The following COPRS variants were observed in gnomAD, a reference collection of about 807,000 sequenced individuals.
The protein encoded by COPRS is coordinator of PRMT5 and differentiation stimulator.
In COPRS, 11 loss-of-function variants were observed where a neutral mutation model predicts 19.9. The observed-to-expected ratio is 0.55, with a 90% CI of 0.35 to 0.92. COPRS has a LOEUF of 0.92. Among genes scored for constraint, COPRS ranks in the 40% least tolerant of loss-of-function variants. COPRS has a pLI of 0.01. For synonymous variants in COPRS, 81 were observed against 82.7 expected (o/e 0.98, Z 0.11); for missense variants, 225 against 229.9 (o/e 0.98, Z 0.14).
chr17:31,858,210 C>T (rs1909421003), intron 1 of COPRS, among the ~76,000 whole-genome samples: 1 of 152,222 alleles, frequency 6.6e-6, no homozygotes, highest in Admixed American at 6.5e-5. Context: ...GACCCAACTC[C>T]AGGCCATGTG....
At chr17:31,854,350 G>A (rs1438205365) in intron 2 of COPRS, among the ~76,000 whole-genome samples, 2 of 84,440 alleles carry the variant, frequency 2.4e-5, no homozygotes, top group Admixed American at 2.1e-4. Flanking sequence ...GTGAGACCCT[G>A]TCTCCAAAAA....
intron 2 of COPRS, among the ~76,000 whole-genome samples, chr17:31,856,206 G>A (rs550620942): frequency 6.6e-4 from 100 of 151,426 alleles, no homozygotes; most frequent in African/African-American, 1.7e-3. Flanking sequence ...GTGGTGGCGC[G>A]TGCCTGTAGT....
rs903326347 is a variant in COPRS at position 31,859,013 on chromosome 17, GC to G, written c.99+87del. 914 of 1,212,984 alleles carry G rather than the reference GC, an allele frequency of 7.5e-4. 7 individuals carry two copies. The highest frequency in any genetic ancestry group is 7.3e-3 in the Middle Eastern group (22 of 3,002). 75.1% of individuals were successfully genotyped at this position (1,212,984 alleles called of 1,614,324 possible). On this transcript the variant is annotated intron_variant, in intron 1 of 3. Coordinates refer to ENST00000302362, the MANE Select transcript of COPRS (RefSeq NM_018405.4). ...GAGGCCGGCCAGAGGCGCTTCCCCG[GC>G]CCCGCGGCCCCCGCCCAGCCCGGCC...
rs757362740 is a variant in COPRS, at chr17:31,852,984, C to T, written c.213G>A (p.Glu71=). ...SIPNDSPARG[E]GTHSEEEGFA... ...AGCCTTCCTCTTCAGAATGGGTGCC[C>T]TCACCCCGGGCAGGACTGTCATTAG... Residue 71 remains glutamate (E), a synonymous_variant, in exon 3 of 4, where the codon GAG becomes GAA. Coordinates refer to ENST00000302362, the MANE Select transcript of COPRS (RefSeq NM_018405.4). 5 of 1,614,062 alleles carry T rather than the reference C, an allele frequency of 3.1e-6. No homozygotes were observed. In the East Asian group the frequency reaches 8.9e-5, roughly 29 times the overall value.
chr17:31,856,987 C>G (rs1008047054), intron 1 of COPRS, 122 bp from the exon 2 acceptor site: 2 of 698,030 alleles, frequency 2.9e-6, no homozygotes, highest in Non-Finnish European at 5.1e-6. Flanking sequence ...GGCTGGGACT[C>G]TGCCACCCAC....
Position 31,859,182 on chromosome 17 carries a change from G to C in COPRS, c.18C>G (p.Ala6=). The change falls in exon 1 of 4, where the codon GCC becomes GCG. Residue 6 remains alanine (A), a synonymous_variant. Coordinates refer to ENST00000302362, the MANE Select transcript of COPRS (RefSeq NM_018405.4). The part of the protein sequence containing the change: MDLQA[A]GAQAQGAAEP... The stretch of plus-strand genomic sequence containing the variant: ...CCGCGGCCCCCTGCGCCTGGGCCCC[G>C]GCGGCCTGAAGGTCCATGCCCTGCG... 9.4e-7 allele frequency: 1 copy of C among 1,060,688 alleles called. No individual in the cohort carries two copies. The highest frequency in any genetic ancestry group is 4.4e-5 in the South Asian group (1 of 22,804). 65.7% of individuals were successfully genotyped at this position (1,060,688 alleles called of 1,614,324 possible). A position where few individuals can be genotyped will look rare whatever the true frequency, so the allele number is the denominator to read the frequency against.
chr17:31,858,389 T>C lies in COPRS; in HGVS notation c.99+712A>G, dbSNP rs182191401. On this transcript the variant is annotated intron_variant, in intron 1 of 3. Coordinates refer to ENST00000302362, the MANE Select transcript of COPRS (RefSeq NM_018405.4). ...TATCTTACTTTGGCTAAGTACCATC[T>C]TTGAGGCATCATTCATCCAGTCGGT... is the stretch of plus-strand genomic sequence containing the variant. The C allele has an allele frequency of 5.1e-6, 5 of 985,458 alleles. No homozygotes were observed. In the East Asian group the frequency reaches 4.5e-4, roughly 89 times the overall value. The allele number at this position is 985,458 out of a possible 1,614,324, so 61.0% of individuals were successfully genotyped here.
rs779693437 is a variant in COPRS at position 31,852,860 on chromosome 17, T to TA, written c.336dup (p.Asn113Ter). ...TTCAACTCCGAGTCCCAGTCCTCAT[T>TA]AAAAAGATCGCCAGGCTGTTCCTTG... On this transcript the variant is annotated frameshift_variant, in exon 3 of 4. Coordinates refer to ENST00000302362, the MANE Select transcript of COPRS (RefSeq NM_018405.4). LOFTEE classifies it high-confidence loss of function. 1 of 1,614,166 alleles carries TA rather than the reference T, an allele frequency of 6.2e-7. No homozygotes were observed. Among genetic ancestry groups the TA allele is most frequent in the South Asian group, 1.1e-5 (1 of 91,082 alleles).
intron 1 of COPRS, 107 bp downstream of exon 1, chr17:31,858,994 G>T: frequency 2.4e-6 from 3 of 1,256,474 alleles, no homozygotes; most frequent in East Asian, 3.5e-5. Context: ...GCCCGAGGCC[G>T]GCCAGAGGCG....
Position 31,859,193 on chromosome 17 carries a change from G to A in COPRS, c.7C>T (p.Leu3Phe), listed in dbSNP as rs921254029. Reference protein sequence around the residue: MDLQAAGAQAQGA... With the variant: MDFQAAGAQAQGA... Reference sequence around the variant, plus strand: ...TGCGCCTGGGCCCCGGCGGCCTGAAGGTCCATGCCCTGCGGCCCGCGGCTG... The same window carrying A: ...TGCGCCTGGGCCCCGGCGGCCTGAAAGTCCATGCCCTGCGGCCCGCGGCTG... The change falls in exon 1 of 4, where the codon CTT (leucine) becomes TTT (phenylalanine). Residue 3 changes from leucine to phenylalanine, a missense_variant. By Grantham distance (22) the Leu-to-Phe change is conservative. This residue lies in a region of COPRS where 51 missense variants were observed against 39.2 expected (regional missense o/e 1.30). Coordinates refer to ENST00000302362, the MANE Select transcript of COPRS (RefSeq NM_018405.4). The A allele has an allele frequency of 5.5e-5, 58 of 1,055,216 alleles. No homozygotes were observed. Among genetic ancestry groups the A allele is most frequent in the Admixed American group, 2.7e-4 (5 of 18,442 alleles). 65.4% of individuals were successfully genotyped at this position (1,055,216 alleles called of 1,614,324 possible). A position where few individuals can be genotyped will look rare whatever the true frequency, so the allele number is the denominator to read the frequency against.
rs1164574796 is a variant in COPRS at position 31,859,237 on chromosome 17, G to C, written c.-38C>G. On this transcript the variant is annotated 5_prime_UTR_variant, in exon 1 of 4. Coordinates refer to ENST00000302362, the MANE Select transcript of COPRS (RefSeq NM_018405.4). ...GCGGCTGGTCGCCCTGGACGCCGTG[G>C]GCCACGTGACGCGCCGGCCCGGCTG... The C allele has an allele frequency of 3.2e-6, 3 of 947,252 alleles. No individual in the cohort carries two copies. In the African/African-American group the frequency reaches 5.3e-5, roughly 17 times the overall value. 58.7% of individuals were successfully genotyped at this position (947,252 alleles called of 1,614,324 possible). A position where few individuals can be genotyped will look rare whatever the true frequency, so the allele number is the denominator to read the frequency against.
At chr17:31,855,039 T>G (rs967398750) in intron 2 of COPRS, among the ~76,000 whole-genome samples, 1 of 152,144 alleles carries the variant, frequency 6.6e-6, no homozygotes, top group Middle Eastern at 3.2e-3. Flanking sequence ...GTGCCTCAAC[T>G]TCCACATCTG....
intron 2 of COPRS, among the ~76,000 whole-genome samples, chr17:31,853,570 C>T (rs567690940): frequency 9.2e-5 from 14 of 152,160 alleles, no homozygotes; most frequent in African/African-American, 3.1e-4. Context: ...TTAGTAGAGA[C>T]GGGGTTTCAC....
rs34371712 is a variant in COPRS at position 31,854,355 on chromosome 17, C to CAA, written c.167-1327_167-1326dup. On this transcript the variant is annotated intron_variant, in intron 2 of 3. Transcript: ENST00000302362. Reference sequence around the variant, plus strand: ...ATTGCACAGAGTGAGACCCTGTCTCCAAAAAAAAAAAAAAAAAAAAAAAAA... The same window carrying CAA: ...ATTGCACAGAGTGAGACCCTGTCTCCAAAAAAAAAAAAAAAAAAAAAAAAAAA... Among the ~76,000 whole-genome samples, 123 of 46,440 alleles carry CAA rather than the reference C, an allele frequency of 2.6e-3. 10 individuals carry two copies. The highest frequency in any genetic ancestry group is 6.0e-3 in the African/African-American group (70 of 11,742). 30.5% of individuals were successfully genotyped at this position (46,440 alleles called of 152,430 possible).
rs1021259399 is a variant in COPRS, at chr17:31,856,996, A to G, written c.100-131T>C. 6.0e-5 allele frequency: 41 copies of G among 688,020 alleles called. No homozygotes were observed. In the African/African-American group the frequency reaches 7.0e-4, roughly 12 times the overall value. The allele number at this position is 688,020 out of a possible 1,614,324, so 42.6% of individuals were successfully genotyped here. A position where few individuals can be genotyped will look rare whatever the true frequency, so the allele number is the denominator to read the frequency against. ...ATGCAGGGCTGGGACTCTGCCACCC[A>G]CATTTCTACTTTGCCCTGTTAAACT... On this transcript the variant is annotated intron_variant, in intron 1 of 3. Transcript: ENST00000302362.
At chr17:31,853,779 C>T (rs1294219241) in intron 2 of COPRS, among the ~76,000 whole-genome samples, 1 of 152,182 alleles carries the variant, frequency 6.6e-6, no homozygotes, top group African/African-American at 2.4e-5. Context: ...AAGACCAGAA[C>T]CCATCTAATC....
At chr17:31,858,712 G>A in intron 1 of COPRS, 13 of 1,525,098 alleles carry the variant, frequency 8.5e-6, no homozygotes, top group Non-Finnish European at 1.2e-5. Context: ...AACGGACAGA[G>A]GTCCACAGGT....
At chr17:31,854,355 CAAAAAAAAAAAAAA>C (rs34371712) in intron 2 of COPRS, among the ~76,000 whole-genome samples, 804 of 46,502 alleles carry the variant, frequency 0.017, 15 homozygotes, top group African/African-American at 0.065. Flanking sequence ...ACCCTGTCTC[CAAAAAAAAAAAAAA>C]AAAAAAAAAA....
In COPRS at chr17:31,852,153, C is replaced by T. The variant is rs200090419; in HGVS notation, c.541G>A (p.Asp181Asn). ...AAGCTCCACACTCAATCTTCAGCAT[C>T]GTCAAACTGTCCTGTTTCAAAGACC... ...KMVFETGQFD[D>N]AED The change falls in exon 4 of 4, where the codon GAT (aspartate) becomes AAT (asparagine). Residue 181 changes from aspartate (D) to asparagine (N), a missense_variant. Around this residue, in one of 3 missense-constraint regions of COPRS, gnomAD observed 170 missense variants for 171.4 expected, o/e 0.99. Transcript: ENST00000302362. 5 of 1,614,078 alleles carry T rather than the reference C, an allele frequency of 3.1e-6. No individual in the cohort carries two copies. The highest frequency in any genetic ancestry group is 2.2e-5 in the East Asian group (1 of 44,882).
Sources: allele counts gnomAD v4.1 joint callset (sites outside exome capture counted in the v4.1 genomes callset), GRCh38; gene constraint gnomAD v4.1.1; regional missense constraint gnomAD v4.1.1; transcripts MANE v1.5; gene names NCBI Gene and HGNC (gene_info 2026-07-23, HGNC 2026-07-21).